Variants in FRMD4A observed in about 807,000 individuals in gnomAD.
The protein encoded by FRMD4A is FERM domain-containing protein 4A.
Under a neutral mutation model 129.1 loss-of-function variants are expected in FRMD4A, and 29 were observed. The observed-to-expected ratio is 0.22, with a 90% confidence interval of 0.17 to 0.31. The LOEUF (loss-of-function observed/expected upper bound fraction) is 0.31, where lower values mean the gene tolerates loss of function less well. Among genes scored for constraint, FRMD4A ranks in the 10% least tolerant of loss-of-function variants. The probability of loss-of-function intolerance (pLI) is 1.00; values close to 1 mark genes in which losing one functional copy is unlikely to be tolerated. For synonymous variants in FRMD4A, 634 were observed against 571.6 expected, an observed-to-expected ratio of 1.11 and a Z score of -1.56; for missense variants, 1,272 against 1,375.8, an observed-to-expected ratio of 0.92 and a Z score of 1.19.
intron 10 of FRMD4A, 81 bp downstream of exon 10, chr10:13,740,431 G>A: frequency 1.1e-6 from 1 of 946,696 alleles, no homozygotes. Flanking sequence ...TGTCTTTGGA[G>A]AGGAACTGAA....
chr10:14,016,350 CA>C (rs1417887638), intron 2 of FRMD4A, among the ~76,000 whole-genome samples: 2 of 152,220 alleles, frequency 1.3e-5, no homozygotes, highest in African/African-American at 4.8e-5. Context: ...CAGGATGAAA[CA>C]ATGTTTGTGA....
intron 2 of FRMD4A, among the ~76,000 whole-genome samples, chr10:13,867,545 G>A (rs1489247740): frequency 6.9e-6 from 1 of 145,964 alleles, no homozygotes; most frequent in African/African-American, 2.5e-5. Context: ...ACAGATGTGA[G>A]CCACCACTTT....
chr10:13,740,695 C>T lies in FRMD4A; in HGVS notation c.549-118G>A, dbSNP rs1284192716. The T allele has an allele frequency of 9.4e-6, 6 of 638,976 alleles. No individual in the cohort carries two copies. The African/African-American group carries it at 1.1e-4, about 12-fold the overall frequency. The allele number at this position is 638,976 out of a possible 1,614,324, so 39.6% of individuals were successfully genotyped here. On this transcript the variant is annotated intron_variant, in intron 9 of 24. Transcript: ENST00000357447. ...AGAAGCTCCAAGGCACCAACAGCTC[C>T]TGGAAAAATGATTTGTCCTGGAGTG...
intron 3 of FRMD4A, among the ~76,000 whole-genome samples, chr10:13,824,215 C>T (rs1037925682): frequency 2.6e-5 from 4 of 151,334 alleles, no homozygotes; most frequent in South Asian, 2.1e-4. Context: ...CGGTGTCTCC[C>T]GCCTGTAATC....
chr10:14,008,231 G>A (rs2131631695), intron 2 of FRMD4A: 1 of 1,084,372 alleles, frequency 9.2e-7, no homozygotes, highest in South Asian at 2.1e-5. Context: ...AGGGAGAGAA[G>A]GAGCCTCCCT....
intron 2 of FRMD4A, among the ~76,000 whole-genome samples, chr10:13,869,746 C>A (rs1242187735): frequency 6.6e-6 from 1 of 152,196 alleles, no homozygotes; most frequent in Non-Finnish European, 1.5e-5. Context: ...TAGGTTCTGC[C>A]ACTGTTAGAG....
At chr10:13,770,854 C>T (rs74121873) in intron 6 of FRMD4A, among the ~76,000 whole-genome samples, 3,615 of 152,200 alleles carry the variant, frequency 0.024, 157 homozygotes, top group African/African-American at 0.083. Context: ...TCTCATACCC[C>T]CTCTGTCCTA....
In FRMD4A at chr10:13,666,238, C is replaced by T. The variant is rs774353091; in HGVS notation, c.1462G>A (p.Val488Ile). 40 of 1,613,894 alleles carry T rather than the reference C, an allele frequency of 2.5e-5. No individual in the cohort carries two copies. Among genetic ancestry groups the T allele is most frequent in the East Asian group, 1.3e-4 (6 of 44,892 alleles). Residue 488 changes from valine to isoleucine, a missense_variant, in exon 18 of 25, where the codon GTC becomes ATC. Physicochemically the swap from Val to Ile is conservative, Grantham distance 29 (BLOSUM62 3). This residue lies in a region of FRMD4A where 972 missense variants were observed against 892.3 expected (regional missense o/e 1.09). Transcript: ENST00000357447. ...AARRLASDPN[V>I]SKKLKKQRKT... Reference sequence around the variant, plus strand: ...CTTTGTTTCTTCAGTTTTTTGCTGACGTTGGGGTCACTGGCTAGGCGGCGG... The same window carrying T: ...CTTTGTTTCTTCAGTTTTTTGCTGATGTTGGGGTCACTGGCTAGGCGGCGG...
At chr10:13,693,777 A>G in intron 15 of FRMD4A, 121 bp downstream of exon 15, 2 of 1,088,756 alleles carry the variant, frequency 1.8e-6, no homozygotes, top group Non-Finnish European at 2.7e-6. Flanking sequence ...TGGAAAGCAA[A>G]GCCAGCTTTG....
chr10:13,931,003 T>G (rs552019596), intron 2 of FRMD4A, among the ~76,000 whole-genome samples: 2 of 152,196 alleles, frequency 1.3e-5, no homozygotes, highest in South Asian at 4.2e-4. Context: ...TAGCTAATGT[T>G]TAGAAACTTT....
intron 3 of FRMD4A, among the ~76,000 whole-genome samples, chr10:13,811,471 C>G (rs1417016016): frequency 6.7e-6 from 1 of 150,094 alleles, no homozygotes; most frequent in Non-Finnish European, 1.5e-5. Flanking sequence ...ACTTGGGAGG[C>G]TGAGGAAGGA....
chr10:14,018,313 G>A (rs928504260), intron 2 of FRMD4A, among the ~76,000 whole-genome samples: 11 of 151,452 alleles, frequency 7.3e-5, no homozygotes, highest in Admixed American at 2.0e-4. Context: ...AAAATTAGCC[G>A]GGCATGGTGG....
At chr10:14,098,112 T>TATATATTATATAAATTATAGATTATA (rs1837096096) in intron 2 of FRMD4A, among the ~76,000 whole-genome samples, 22 of 142,562 alleles carry the variant, frequency 1.5e-4, no homozygotes, top group Admixed American at 7.1e-5. Flanking sequence ...TATATATAAT[T>TATATATTATATAAATTATAGATTATA]TATATATATT....
intron 2 of FRMD4A, among the ~76,000 whole-genome samples, chr10:14,064,282 A>C (rs1027642863): frequency 1.1e-4 from 16 of 152,374 alleles, no homozygotes; most frequent in Middle Eastern, 3.4e-3. Flanking sequence ...TGCTGAAAGA[A>C]TGCATGTGTT....
At chr10:14,010,117 C>A (rs1487612662) in intron 2 of FRMD4A, among the ~76,000 whole-genome samples, 1 of 143,482 alleles carries the variant, frequency 7.0e-6, no homozygotes, top group African/African-American at 2.5e-5. Context: ...GTTTTGGGGT[C>A]GGTGGGGGGG....
chr10:14,092,294 TC>T (rs2131754369), intron 2 of FRMD4A, among the ~76,000 whole-genome samples: 1 of 152,330 alleles, frequency 6.6e-6, no homozygotes, highest in East Asian at 1.9e-4. Flanking sequence ...AAAGGCAGCA[TC>T]AACCTGCCTA....
intron 9 of FRMD4A, among the ~76,000 whole-genome samples, chr10:13,742,724 C>T (rs1325910135): frequency 6.6e-6 from 1 of 152,166 alleles, no homozygotes; most frequent in African/African-American, 2.4e-5. Context: ...ACCACATTGA[C>T]CAGGCTGGTC....
intron 2 of FRMD4A, among the ~76,000 whole-genome samples, chr10:13,988,222 T>C (rs998608706): frequency 1.3e-5 from 2 of 152,232 alleles, no homozygotes; most frequent in Non-Finnish European, 2.9e-5. Context: ...CATTTGGTCA[T>C]GTAGGAGTTA....
intron 2 of FRMD4A, among the ~76,000 whole-genome samples, chr10:13,867,325 C>G (rs911360727): frequency 1.1e-4 from 17 of 152,060 alleles, no homozygotes; most frequent in Admixed American, 3.3e-4. Context: ...GTGGCATGAT[C>G]ACAGCTCACT....
Sources: allele counts gnomAD v4.1 joint callset (sites outside exome capture counted in the v4.1 genomes callset), GRCh38; gene constraint gnomAD v4.1.1; regional missense constraint gnomAD v4.1.1; transcripts MANE v1.5; gene names NCBI Gene and HGNC (gene_info 2026-07-23, HGNC 2026-07-21).